GPATCH2: variants seen among roughly 807,000 people sequenced by gnomAD.
The protein encoded by GPATCH2 is G patch domain-containing protein 2.
In GPATCH2, 51 loss-of-function variants were observed where a neutral mutation model predicts 58.0. The observed-to-expected ratio is 0.88, with a 90% CI of 0.70 to 1.11. GPATCH2 has a LOEUF of 1.11. GPATCH2 is among the 50% of genes most tolerant of loss of function. The pLI, the probability that GPATCH2 is intolerant of heterozygous loss-of-function variation, is 0.00. For missense variants in GPATCH2, 625 were observed against 652.2 expected, an observed-to-expected ratio of 0.96 and a Z score of 0.45; for synonymous variants, 222 against 218.5, an observed-to-expected ratio of 1.02 and a Z score of -0.14.
Position 217,630,866 on chromosome 1 carries a change from G to T in GPATCH2, c.56+50C>A, listed in dbSNP as rs73105692. 0.015 allele frequency: 20,165 copies of T among 1,386,712 alleles called. 1,568 individuals are homozygous for T. The African/African-American group carries it at 0.2, about 14-fold the overall frequency. 85.9% of individuals were successfully genotyped at this position (1,386,712 alleles called of 1,614,324 possible). A position where few individuals can be genotyped will look rare whatever the true frequency, so the allele number is the denominator to read the frequency against. On this transcript the variant is annotated intron_variant, in intron 1 of 9. Transcript: ENST00000366935. ...TCCAGGTCCAGCGGAGCGGCCTCGG[G>T]CAATCACACCCTTCCCTGACCTCCC...
intron 8 of GPATCH2, among the ~76,000 whole-genome samples, chr1:217,484,544 A>C (rs991188155): frequency 2.6e-4 from 25 of 96,490 alleles, no homozygotes; most frequent in Non-Finnish European, 4.6e-4. Context: ...AAATCTTTCT[A>C]TATATAATTA....
At chr1:217,551,267 AAC>A (rs1665347399) in intron 5 of GPATCH2, among the ~76,000 whole-genome samples, 1 of 152,078 alleles carries the variant, frequency 6.6e-6, no homozygotes, top group Non-Finnish European at 1.5e-5. Flanking sequence ...AATGTTACTA[AAC>A]ACACAGGCAA....
intron 9 of GPATCH2, among the ~76,000 whole-genome samples, chr1:217,437,499 C>T (rs1404856100): frequency 2.6e-5 from 4 of 152,198 alleles, no homozygotes; most frequent in Non-Finnish European, 5.9e-5. Context: ...ATTCTCACTG[C>T]CAGCACAGTA....
rs779745637 is a variant in GPATCH2, at chr1:217,449,326, A to C, written c.1289T>G (p.Met430Arg). Residue 430 changes from methionine (M) to arginine (R), a missense_variant, in exon 9 of 10, where the codon ATG becomes AGG. By Grantham distance (91) the Met-to-Arg change is moderately conservative. Transcript: ENST00000366935. ...SVRTASRQTS[M>R]HLGSLCTGDI... ...TCCCGTGCATAAGGATCCTAAATGC[A>C]TGCTTGTTTGCCTACGAATAATTAT... The C allele has an allele frequency of 3.1e-6, 5 of 1,595,084 alleles. No homozygotes were observed. Among genetic ancestry groups the C allele is most frequent in the Non-Finnish European group, 4.3e-6 (5 of 1,162,696 alleles).
At chr1:217,500,487 C>G (rs1662243085) in intron 6 of GPATCH2, among the ~76,000 whole-genome samples, 1 of 152,062 alleles carries the variant, frequency 6.6e-6, no homozygotes, top group Non-Finnish European at 1.5e-5. Context: ...AGAACTCACT[C>G]AAATAGTGAG....
intron 1 of GPATCH2, among the ~76,000 whole-genome samples, chr1:217,625,239 C>T (rs1432527393): frequency 1.3e-5 from 2 of 152,064 alleles, no homozygotes; most frequent in Non-Finnish European, 2.9e-5. Flanking sequence ...AAAAGGCCTT[C>T]CTAAAAGTGG....
intron 8 of GPATCH2, among the ~76,000 whole-genome samples, chr1:217,453,850 T>C (rs1231786556): frequency 6.6e-6 from 1 of 152,146 alleles, no homozygotes; most frequent in African/African-American, 2.4e-5. Context: ...ACAGAGGCTG[T>C]TCAGAGAATT....
At chr1:217,536,160 A>G (rs1664450303) in intron 5 of GPATCH2, among the ~76,000 whole-genome samples, 1 of 152,214 alleles carries the variant, frequency 6.6e-6, no homozygotes. Flanking sequence ...AATGACTAAC[A>G]GGATAGTATG....
At chr1:217,457,287 G>T (rs924211609) in intron 8 of GPATCH2, among the ~76,000 whole-genome samples, 2 of 152,112 alleles carry the variant, frequency 1.3e-5, no homozygotes, top group Non-Finnish European at 2.9e-5. Flanking sequence ...GAAAAAGTCC[G>T]CTTATCAATG....
intron 5 of GPATCH2, among the ~76,000 whole-genome samples, chr1:217,531,742 A>C (rs978980201): frequency 6.6e-6 from 1 of 152,198 alleles, no homozygotes; most frequent in African/African-American, 2.4e-5. Flanking sequence ...AGAAAAAAGA[A>C]AAATTGCTGA....
At chr1:217,571,354 T>A (rs1666527824) in intron 5 of GPATCH2, among the ~76,000 whole-genome samples, 1 of 152,120 alleles carries the variant, frequency 6.6e-6, no homozygotes. Flanking sequence ...AATGTTAGCC[T>A]AAATGCTAAA....
intron 5 of GPATCH2, among the ~76,000 whole-genome samples, chr1:217,567,379 T>C (rs1666303027): frequency 6.6e-6 from 1 of 152,188 alleles, no homozygotes; most frequent in African/African-American, 2.4e-5. Flanking sequence ...TACCATTTGC[T>C]TAAGAGTATT....
chr1:217,586,560 C>T (rs960275829), intron 5 of GPATCH2, among the ~76,000 whole-genome samples: 7 of 152,090 alleles, frequency 4.6e-5, no homozygotes, highest in Non-Finnish European at 8.8e-5. Flanking sequence ...GAATACCTTT[C>T]GAAGGACCTG....
At chr1:217,569,493 G>A (rs575259251) in intron 5 of GPATCH2, among the ~76,000 whole-genome samples, 8 of 152,158 alleles carry the variant, frequency 5.3e-5, no homozygotes, top group African/African-American at 1.9e-4. Flanking sequence ...TCAGCAGTTC[G>A]AGACCAGCCC....
intron 5 of GPATCH2, among the ~76,000 whole-genome samples, chr1:217,566,169 A>G (rs1469390827): frequency 6.6e-6 from 1 of 151,458 alleles, no homozygotes; most frequent in African/African-American, 2.4e-5. Context: ...ATAGTTTGCA[A>G]TTTTTACCAC....
intron 6 of GPATCH2, among the ~76,000 whole-genome samples, chr1:217,513,845 A>G (rs1433622231): frequency 1.3e-5 from 2 of 148,982 alleles, no homozygotes; most frequent in Non-Finnish European, 3.0e-5. Flanking sequence ...TTTTTGAGAG[A>G]TGGGAGTCTC....
chr1:217,449,329 C>T lies in GPATCH2; in HGVS notation c.1286G>A (p.Ser429Asn), dbSNP rs1659549054. The T allele has an allele frequency of 1.9e-6, 3 of 1,582,742 alleles. No homozygotes were observed. Among genetic ancestry groups the T allele is most frequent in the Admixed American group, 1.7e-5 (1 of 59,904 alleles). Residue 429 changes from serine to asparagine, a missense_variant, in exon 9 of 10, where the codon AGC becomes AAC. Ser to Asn is a conservative substitution (Grantham distance 46). Transcript: ENST00000366935. ...CSVRTASRQT[S>N]MHLGSLCTGD... ...CGTGCATAAGGATCCTAAATGCATGCTTGTTTGCCTACGAATAATTATCAG... is the reference window on the plus strand; with the variant it reads ...CGTGCATAAGGATCCTAAATGCATGTTTGTTTGCCTACGAATAATTATCAG...
At chr1:217,571,317 T>A (rs933878510) in intron 5 of GPATCH2, among the ~76,000 whole-genome samples, 2 of 152,156 alleles carry the variant, frequency 1.3e-5, no homozygotes, top group African/African-American at 4.8e-5. Flanking sequence ...TGAGTTTTAG[T>A]TGTAAACCCA....
intron 6 of GPATCH2, among the ~76,000 whole-genome samples, chr1:217,507,697 A>G (rs1029256271): frequency 6.6e-6 from 1 of 152,202 alleles, no homozygotes; most frequent in Non-Finnish European, 1.5e-5. Flanking sequence ...TTAACATGCA[A>G]TAATTACCTT....
Sources: allele counts gnomAD v4.1 joint callset (sites outside exome capture counted in the v4.1 genomes callset), GRCh38; gene constraint gnomAD v4.1.1; transcripts MANE v1.5; gene names NCBI Gene and HGNC (gene_info 2026-07-23, HGNC 2026-07-21).